ANKFN1: variants seen among roughly 807,000 people sequenced by gnomAD.
ANKFN1 encodes the protein ankyrin repeat and fibronectin type III domain containing 1, also known as ankyrin repeat and fibronectin type-III domain-containing protein 1.
ANKFN1 carries 74 observed loss-of-function variants against 108.7 expected under a neutral mutation model. The ratio of observed to expected loss-of-function variants is 0.68; its 90% confidence interval spans 0.56 to 0.83. The LOEUF (loss-of-function observed/expected upper bound fraction) is 0.83, where lower values mean the gene tolerates loss of function less well. Ranked by LOEUF, ANKFN1 falls within the 40% of genes least tolerant of loss-of-function variation. ANKFN1 has a pLI of 0.00. For synonymous variants in ANKFN1, 547 were observed against 516.2 expected (o/e 1.06, Z -0.81); for missense variants, 1,505 against 1,382.3 (o/e 1.09, Z -1.41).
chr17:56,174,654 G>GCC (rs1910967041), intron 1 of ANKFN1, among the ~76,000 whole-genome samples: 1 of 152,138 alleles, frequency 6.6e-6, no homozygotes, highest in African/African-American at 2.4e-5. Flanking sequence ...TTTGTGTTTT[G>GCC]CCCAGAGAAG....
At chr17:56,286,039 G>A (rs2044208949) in intron 3 of ANKFN1, among the ~76,000 whole-genome samples, 1 of 152,122 alleles carries the variant, frequency 6.6e-6, no homozygotes. Context: ...TCTCAGTGTG[G>A]AAAAGTTACC....
chr17:56,258,902 C>T (rs936387973), intron 3 of ANKFN1, among the ~76,000 whole-genome samples: 2 of 151,948 alleles, frequency 1.3e-5, no homozygotes, highest in Admixed American at 1.3e-4. Context: ...CAGAGTGAGA[C>T]TCCGTCTCGA....
At chr17:56,222,811 A>C (rs937896434) in intron 2 of ANKFN1, among the ~76,000 whole-genome samples, 4 of 152,176 alleles carry the variant, frequency 2.6e-5, no homozygotes, top group Non-Finnish European at 5.9e-5. Context: ...TGCACAACCC[A>C]TCTAATAGTA....
intron 3 of ANKFN1, among the ~76,000 whole-genome samples, chr17:56,283,002 C>T (rs1446906540): frequency 6.6e-6 from 1 of 152,046 alleles, no homozygotes; most frequent in Non-Finnish European, 1.5e-5. Context: ...TTCAGGGGTA[C>T]ATGTGCAGGT....
At chr17:56,435,684 A>G (rs1390208778) in intron 8 of ANKFN1, among the ~76,000 whole-genome samples, 3 of 151,772 alleles carry the variant, frequency 2.0e-5, no homozygotes, top group African/African-American at 7.3e-5. Context: ...GGATAAAACA[A>G]CTCTAGGCTT....
intron 1 of ANKFN1, among the ~76,000 whole-genome samples, chr17:56,168,831 T>A (rs1348320410): frequency 1.3e-5 from 2 of 152,182 alleles, no homozygotes; most frequent in African/African-American, 4.8e-5. Flanking sequence ...ACAGTTACTT[T>A]AGAGGGGTAG....
chr17:56,316,255 C>T (rs1307254958), intron 3 of ANKFN1, among the ~76,000 whole-genome samples: 4 of 152,152 alleles, frequency 2.6e-5, no homozygotes, highest in African/African-American at 9.7e-5. Flanking sequence ...AACTTCCTTG[C>T]TTCTCTTGGT....
chr17:56,302,037 G>T (rs1468380344), intron 3 of ANKFN1, among the ~76,000 whole-genome samples: 1 of 152,168 alleles, frequency 6.6e-6, no homozygotes, highest in Non-Finnish European at 1.5e-5. Context: ...CCTGGTCCTG[G>T]ATCATATATT....
rs182321386 is a variant in ANKFN1 at position 56,338,196 on chromosome 17, A to C, written c.188+11841A>C. On this transcript the variant is annotated intron_variant, in intron 4 of 20. Coordinates refer to ENST00000682825, the MANE Select transcript of ANKFN1 (RefSeq NM_001370326.1). ...AAACCATCATTCTCAGCAAACTATC[A>C]CAAGGACAGAAAACCAAACAGCGCA... Among the ~76,000 whole-genome samples the C allele has an allele frequency of 2.8e-4, 43 of 152,238 alleles. 1 individual carries two copies. The highest frequency in any genetic ancestry group is 2.6e-3 in the Admixed American group (40 of 15,272).
At position 56,240,725 on chromosome 17, in the gene ANKFN1, G is replaced by A. The variant is rs188624287; in HGVS notation, c.53+12768G>A. On this transcript the variant is annotated intron_variant, in intron 3 of 20. Transcript: ENST00000682825. Reference sequence around the variant, plus strand: ...AGACCTCAAAATTTTTCTTCAATATGATGGGAGTAAAATGGTGTGTCATTT... The same window carrying A: ...AGACCTCAAAATTTTTCTTCAATATAATGGGAGTAAAATGGTGTGTCATTT... Among the ~76,000 whole-genome samples the A allele has an allele frequency of 6.9e-4, 105 of 152,162 alleles. 1 individual carries two copies. Among genetic ancestry groups the A allele is most frequent in the African/African-American group, 2.5e-3 (103 of 41,546 alleles).
At chr17:56,453,424 C>T (rs1169822240) in intron 11 of ANKFN1, among the ~76,000 whole-genome samples, 3 of 151,684 alleles carry the variant, frequency 2.0e-5, no homozygotes, top group East Asian at 3.9e-4. Flanking sequence ...ATAATTAATC[C>T]CCAAACTATT....
intron 1 of ANKFN1, among the ~76,000 whole-genome samples, chr17:56,183,609 T>G (rs979430081): frequency 6.6e-6 from 1 of 152,176 alleles, no homozygotes; most frequent in Non-Finnish European, 1.5e-5. Flanking sequence ...CTGCTTTTGC[T>G]TCACCTTTTG....
intron 4 of ANKFN1, among the ~76,000 whole-genome samples, chr17:56,144,185 ACAG>A (rs1908114056): frequency 2.0e-5 from 2 of 99,242 alleles, no homozygotes; most frequent in African/African-American, 3.6e-5. Flanking sequence ...AAAAAAAAAA[ACAG>A]CCCAAACCAA....
chr17:56,198,685 A>G (rs1913752235), intron 1 of ANKFN1, among the ~76,000 whole-genome samples: 1 of 152,238 alleles, frequency 6.6e-6, no homozygotes, highest in Middle Eastern at 3.4e-3. Context: ...TTTTCTCCCA[A>G]TATTCAACTA....
In ANKFN1 at chr17:56,313,909, GC is replaced by G. The variant is rs1567906290; in HGVS notation, c.54-12310del. 2.0e-5 allele frequency among the ~76,000 whole-genome samples: 3 copies of G among 152,124 alleles called. No homozygotes were observed. The South Asian group carries it at 6.2e-4, about 31-fold the overall frequency. ...CCAACCGGCCTGAAAGTTTCCTTCT[GC>G]CACTGTCCAACCAAATATCCCACCA... On this transcript the variant is annotated intron_variant, in intron 3 of 20. Coordinates refer to ENST00000682825, the MANE Select transcript of ANKFN1 (RefSeq NM_001370326.1).
intron 8 of ANKFN1, among the ~76,000 whole-genome samples, chr17:56,400,205 G>T (rs2047718694): frequency 6.6e-6 from 1 of 152,032 alleles, no homozygotes; most frequent in African/African-American, 2.4e-5. Flanking sequence ...CCCATCAGCA[G>T]TGTAGAAATG....
chr17:56,378,521 T>C (rs8068870), intron 8 of ANKFN1, among the ~76,000 whole-genome samples: 16,804 of 152,198 alleles, frequency 0.11, 3,084 homozygotes, highest in African/African-American at 0.38. Flanking sequence ...AGAATATAAT[T>C]ATTTATATGT....
At chr17:56,118,132 T>C (rs1485772894) in intron 4 of ANKFN1, among the ~76,000 whole-genome samples, 2 of 152,144 alleles carry the variant, frequency 1.3e-5, no homozygotes, top group East Asian at 1.9e-4. Flanking sequence ...CATTCATCAG[T>C]TGATGGACAT....
chr17:56,479,058 T>C (rs1341279568), intron 16 of ANKFN1, among the ~76,000 whole-genome samples: 6 of 152,204 alleles, frequency 3.9e-5, no homozygotes, highest in Non-Finnish European at 8.8e-5. Context: ...ACAATCAACA[T>C]TCGTTATCGC....
Sources: gnomAD v4.1 joint callset for allele counts (sites outside exome capture counted in the v4.1 genomes callset) on GRCh38, gnomAD v4.1.1 for gene constraint, MANE v1.5 for transcripts, NCBI Gene and HGNC (gene_info 2026-07-23, HGNC 2026-07-21) for gene names.